DPY19L4: variants seen among roughly 807,000 people sequenced by gnomAD.
DPY19L4 encodes the protein probable C-mannosyltransferase DPY19L4.
In DPY19L4, 97 loss-of-function variants were observed where a neutral mutation model predicts 102.8. That is an observed-to-expected ratio of 0.94 (90% CI 0.80 to 1.12). The LOEUF is 1.12. DPY19L4 is among the 50% of genes most tolerant of loss of function. DPY19L4 has a pLI of 0.00. For missense variants in DPY19L4, 815 were observed against 850.4 expected, an observed-to-expected ratio of 0.96 and a Z score of 0.52; for synonymous variants, 252 against 283.1, an observed-to-expected ratio of 0.89 and a Z score of 1.10.
At chr8:94,720,591 T>C (rs74828539) in intron 1 of DPY19L4, among the ~76,000 whole-genome samples, 2,615 of 152,210 alleles carry the variant, frequency 0.017, 30 homozygotes, top group Non-Finnish European at 0.026. Flanking sequence ...CTAATTATTA[T>C]AGTTTTGGGA....
rs1357129116 is a variant in DPY19L4, at chr8:94,727,505, A to G, written c.127+1064A>G. ...TGCCACAACCTCTCAAAGTGCTGAG[A>G]TTATAGGCATAAGCCACCGTGCCCA... On this transcript the variant is annotated intron_variant, in intron 2 of 18. Transcript: ENST00000414645. Among the ~76,000 whole-genome samples the G allele has an allele frequency of 4.6e-5, 7 of 152,340 alleles. No individual in the cohort carries two copies. In the East Asian group the frequency reaches 9.7e-4, roughly 21 times the overall value.
At chr8:94,744,379 T>C (rs1389404764) in intron 6 of DPY19L4, 12 of 456,562 alleles carry the variant, frequency 2.6e-5, no homozygotes, top group Non-Finnish European at 3.1e-5. Flanking sequence ...TCCCTTACAG[T>C]GAATGATCCA....
chr8:94,734,326 C>A, intron 2 of DPY19L4, among the ~76,000 whole-genome samples: 1 of 152,164 alleles, frequency 6.6e-6, no homozygotes, highest in Non-Finnish European at 1.5e-5. Flanking sequence ...CCATGCCCAG[C>A]CCCTAATGTC....
At chr8:94,724,158 C>G (rs1162941506) in intron 1 of DPY19L4, among the ~76,000 whole-genome samples, 3 of 152,148 alleles carry the variant, frequency 2.0e-5, no homozygotes, top group African/African-American at 4.8e-5. Context: ...TTTTTAGACT[C>G]TAATGGAAAA....
At position 94,733,388 on chromosome 8, in the gene DPY19L4, G is replaced by A. The variant is rs140564237; in HGVS notation, c.128-1242G>A. On this transcript the variant is annotated intron_variant, in intron 2 of 18. Transcript: ENST00000414645. The stretch of plus-strand genomic sequence containing the variant: ...GATCCTCCCGCCTTGGCCTGCCAAA[G>A]TTCTGGGATTACAGGTGTGAGCCAC... Among the ~76,000 whole-genome samples the A allele has an allele frequency of 5.3e-5, 8 of 152,186 alleles. No homozygotes were observed. In the East Asian group the frequency reaches 1.5e-3, roughly 29 times the overall value.
Position 94,768,430 on chromosome 8 carries a change from C to A in DPY19L4, c.1211C>A (p.Ser404Tyr), listed in dbSNP as rs1276036550. Residue 404 changes from serine (S) to tyrosine (Y), a missense_variant, in exon 12 of 19, where the codon TCC (serine) becomes TAC (tyrosine). Coordinates refer to ENST00000414645, the MANE Select transcript of DPY19L4 (RefSeq NM_181787.3). ...ATGAATTGGCTCCTCTGTCAAGAAT[C>A]CCTGCAGGCACCATCTCAAGATTTT... Reference protein sequence around the residue: ...FTMNWLLCQESLQAPSQDFFL... With the variant: ...FTMNWLLCQEYLQAPSQDFFL... 1.2e-6 allele frequency: 2 copies of A among 1,607,222 alleles called. No homozygotes were observed. The highest frequency in any genetic ancestry group is 2.2e-5 in the East Asian group (1 of 44,592).
chr8:94,781,056 A>ATTTTTTTTTTTTTTTGTTTT, intron 15 of DPY19L4, 28 bp from the exon 16 acceptor site: 1 of 1,200,480 alleles, frequency 8.3e-7, no homozygotes, highest in African/African-American at 1.8e-5. Flanking sequence ...TCTTTTGGGG[A>ATTTTTTTTTTTTTTTGTTTT]TTTTTTTTTT....
intron 2 of DPY19L4, among the ~76,000 whole-genome samples, chr8:94,731,832 A>T (rs1810969520): frequency 6.6e-6 from 1 of 152,042 alleles, no homozygotes; most frequent in African/African-American, 2.4e-5. Context: ...GCTCGCTGCA[A>T]GCTCCGCCCC....
At chr8:94,733,905 T>C (rs1192639589) in intron 2 of DPY19L4, among the ~76,000 whole-genome samples, 1 of 152,166 alleles carries the variant, frequency 6.6e-6, no homozygotes, top group African/African-American at 2.4e-5. Context: ...AGTTCCTGTA[T>C]TACACTCTCC....
At chr8:94,741,161 A>G (rs1222347205) in intron 6 of DPY19L4, among the ~76,000 whole-genome samples, 1 of 152,214 alleles carries the variant, frequency 6.6e-6, no homozygotes, top group African/African-American at 2.4e-5. Flanking sequence ...AGTAGAAATT[A>G]TAGTTAATTG....
At chr8:94,756,204 A>G in intron 7 of DPY19L4, 45 bp downstream of exon 7, 1 of 1,590,444 alleles carries the variant, frequency 6.3e-7, no homozygotes, top group Non-Finnish European at 8.5e-7. Context: ...ATTCTGATGT[A>G]TTGCAAATGT....
chr8:94,768,497 T>G lies in DPY19L4; in HGVS notation c.1278T>G (p.Ile426Met), dbSNP rs1286032839. ...LTQSSLLPFY[I>M]LVLIICFLSM... ...AGTCTTCTTTATTACCTTTCTACAT[T>G]CTAGTGTTAATTATTTGTTTTCTTT... The change falls in exon 12 of 19, where the codon ATT (isoleucine) becomes ATG (methionine). Residue 426 changes from isoleucine to methionine, a missense_variant. By Grantham distance (10) the Ile-to-Met change is conservative. Coordinates refer to ENST00000414645, the MANE Select transcript of DPY19L4 (RefSeq NM_181787.3). 2 of 1,586,606 alleles carry G rather than the reference T, an allele frequency of 1.3e-6. No individual in the cohort carries two copies. Among genetic ancestry groups the G allele is most frequent in the Non-Finnish European group, 1.7e-6 (2 of 1,160,414 alleles).
At chr8:94,725,754 G>A (rs1313065278) in intron 1 of DPY19L4, among the ~76,000 whole-genome samples, 2 of 152,002 alleles carry the variant, frequency 1.3e-5, no homozygotes, top group Non-Finnish European at 2.9e-5. Flanking sequence ...TCCTGCCTCA[G>A]CCCCCCAAGT....
intron 3 of DPY19L4, 124 bp from the exon 4 acceptor site, chr8:94,738,245 C>T (rs968223867): frequency 1.7e-5 from 4 of 239,358 alleles, no homozygotes; most frequent in African/African-American, 4.9e-5. Flanking sequence ...CATGAACCTA[C>T]GAGGCGGAGG....
intron 7 of DPY19L4, among the ~76,000 whole-genome samples, chr8:94,758,736 T>C (rs541402775): frequency 3.1e-5 from 3 of 96,172 alleles, no homozygotes; most frequent in Admixed American, 2.8e-4. Flanking sequence ...ATTTTAGCAA[T>C]TTTTTTTTTT....
At chr8:94,744,894 C>G (rs1021025266) in intron 6 of DPY19L4, 1 of 219,004 alleles carries the variant, frequency 4.6e-6, no homozygotes, top group Non-Finnish European at 9.3e-6. Context: ...TTCTTAATAG[C>G]TAAGTTTTAA....
Position 94,756,710 on chromosome 8 carries a change from C to T in DPY19L4, c.735+551C>T, listed in dbSNP as rs140219342. On this transcript the variant is annotated intron_variant, in intron 7 of 18. Coordinates refer to ENST00000414645, the MANE Select transcript of DPY19L4 (RefSeq NM_181787.3). ...CAGCCCTTTTGGCAGTTGGAAGAAG[C>T]CTGTGGAGTCTGTCTCAGGATAATG... is the stretch of plus-strand genomic sequence containing the variant. 4.9e-4 allele frequency among the ~76,000 whole-genome samples: 74 copies of T among 152,222 alleles called. No homozygotes were observed. In the East Asian group the frequency reaches 5.2e-3, roughly 11 times the overall value.
intron 17 of DPY19L4, among the ~76,000 whole-genome samples, chr8:94,784,859 C>T (rs1291916603): frequency 2.0e-5 from 3 of 152,076 alleles, no homozygotes; most frequent in Admixed American, 6.5e-5. Context: ...GTTATTGACT[C>T]AGTATAACAT....
At chr8:94,745,077 T>C (rs1435037317) in intron 6 of DPY19L4, 4 of 156,820 alleles carry the variant, frequency 2.6e-5, no homozygotes, top group African/African-American at 9.6e-5. Context: ...CATTCCATTA[T>C]ATTATGATTA....
Sources: gnomAD v4.1 joint callset for allele counts (sites outside exome capture counted in the v4.1 genomes callset) on GRCh38, gnomAD v4.1.1 for gene constraint, MANE v1.5 for transcripts, NCBI Gene and HGNC (gene_info 2026-07-23, HGNC 2026-07-21) for gene names.